Variants in PSMA1 observed in about 807,000 individuals in gnomAD.
PSMA1 encodes proteasome subunit alpha type-1.
A neutral mutation model predicts 38.4 loss-of-function variants in PSMA1; 3 were observed. The ratio of observed to expected loss-of-function variants is 0.08; its 90% CI spans 0.04 to 0.20. PSMA1 has a LOEUF of 0.20. Among genes scored for constraint, PSMA1 ranks in the 10% least tolerant of loss-of-function variants. The pLI is 1.00. For missense variants in PSMA1, 227 were observed against 325.3 expected (o/e 0.70, Z 2.32); for synonymous variants, 101 against 107.1 (o/e 0.94, Z 0.35).
intron 2 of PSMA1, among the ~76,000 whole-genome samples, chr11:14,602,243 C>T (rs1297399747): frequency 6.6e-6 from 1 of 152,170 alleles, no homozygotes; most frequent in Non-Finnish European, 1.5e-5. Context: ...TTTCCCAGAA[C>T]TAGACACCTG....
At chr11:14,595,218 G>C (rs12786114) in intron 2 of PSMA1, among the ~76,000 whole-genome samples, 12,374 of 152,036 alleles carry the variant, frequency 0.081, 761 homozygotes, top group Admixed American at 0.19. Flanking sequence ...ATAAACATAC[G>C]TGTGCATGTG....
chr11:14,521,025 C>T (rs1464413109), upstream of PSMA1, among the ~76,000 whole-genome samples: 1 of 146,864 alleles, frequency 6.8e-6, no homozygotes, highest in Non-Finnish European at 1.5e-5. Flanking sequence ...TCTTTCTATG[C>T]CCCCAAAACC....
At chr11:14,578,894 T>C (rs1289090626) in intron 2 of PSMA1, among the ~76,000 whole-genome samples, 1 of 152,256 alleles carries the variant, frequency 6.6e-6, no homozygotes, top group East Asian at 1.9e-4. Context: ...TATTCTCAAA[T>C]AGATACTTCC....
intron 2 of PSMA1, among the ~76,000 whole-genome samples, chr11:14,545,888 T>C (rs2134166266): frequency 6.6e-6 from 1 of 152,222 alleles, no homozygotes; most frequent in South Asian, 2.1e-4. Context: ...TAGGAAGAGG[T>C]GAAAGATAGG....
At position 14,534,771 on chromosome 11, in the gene PSMA1, TAAAA is replaced by T. The variant is rs36144494; in HGVS notation, c.22-15734_22-15731del. On this transcript the variant is annotated intron_variant, in intron 2 of 10. Coordinates refer to the PSMA1 transcript ENST00000418988. The surrounding 1 kb of genome is among the most constrained non-coding windows in gnomAD (Gnocchi z 4.5). ...TGTACATATGCATATTTAAAAAAAT[TAAAA>T]AAACAAACAAACCTGCTTATAGGAG... Among the ~76,000 whole-genome samples the T allele has an allele frequency of 0.32, 49,163 of 151,864 alleles. 9,177 individuals carry two copies. Among genetic ancestry groups the T allele is most frequent in the South Asian group, 0.44 (2,128 of 4,810 alleles).
intron 2 of PSMA1, among the ~76,000 whole-genome samples, chr11:14,566,701 T>C (rs1481399931): frequency 6.6e-6 from 1 of 152,160 alleles, no homozygotes; most frequent in Non-Finnish European, 1.5e-5. Context: ...CTTCAGTGAA[T>C]GAAAGCTCAA....
At chr11:14,505,275 T>C in intron 9 of PSMA1, 27 bp from the exon 10 acceptor site, 1 of 1,593,892 alleles carries the variant, frequency 6.3e-7, no homozygotes, top group Non-Finnish European at 8.6e-7. Context: ...AAAAAGAAAA[T>C]ATGTAAAATG....
intron 2 of PSMA1, among the ~76,000 whole-genome samples, chr11:14,602,856 T>A (rs2134194599): frequency 6.6e-6 from 1 of 152,296 alleles, no homozygotes; most frequent in Admixed American, 6.5e-5. Flanking sequence ...CATTTCAGAT[T>A]TCACGTGAGT....
At chr11:14,578,846 T>G (rs1476407847) in intron 2 of PSMA1, among the ~76,000 whole-genome samples, 1 of 152,232 alleles carries the variant, frequency 6.6e-6, no homozygotes, top group Non-Finnish European at 1.5e-5. Flanking sequence ...TGGGAGAGCT[T>G]GTTTCACCAG....
chr11:14,565,322 C>T lies in PSMA1; in HGVS notation c.21+45644G>A, dbSNP rs533809040. On this transcript the variant is annotated intron_variant, in intron 2 of 10. Coordinates refer to the PSMA1 transcript ENST00000418988. ...CCTGCTAGAGGTTTATCAGTTTTACCGATCTTTTCAAAGAACCAGCTCTTA... is the reference window on the plus strand; with the variant it reads ...CCTGCTAGAGGTTTATCAGTTTTACTGATCTTTTCAAAGAACCAGCTCTTA... 2.1e-3 allele frequency among the ~76,000 whole-genome samples: 316 copies of T among 152,018 alleles called. 3 individuals are homozygous for T. The highest frequency in any genetic ancestry group is 7.3e-3 in the African/African-American group (301 of 41,434).
intron 4 of PSMA1, among the ~76,000 whole-genome samples, chr11:14,517,435 GTGC>G (rs1181173072): frequency 1.3e-5 from 2 of 152,136 alleles, no homozygotes; most frequent in Non-Finnish European, 2.9e-5. Context: ...CTTCTGAAAA[GTGC>G]TAATGTTTAA....
chr11:14,592,719 T>G (rs1156261917), intron 2 of PSMA1, among the ~76,000 whole-genome samples: 2 of 152,214 alleles, frequency 1.3e-5, no homozygotes, highest in African/African-American at 4.8e-5. Flanking sequence ...TGTTTCTTGC[T>G]TTATCCCTGG....
At chr11:14,636,561 T>G (rs1441517813) in intron 1 of PSMA1, among the ~76,000 whole-genome samples, 2 of 152,230 alleles carry the variant, frequency 1.3e-5, no homozygotes, top group African/African-American at 2.4e-5. Context: ...CACTTCTCCA[T>G]ATGTACTACA....
intron 7 of PSMA1, among the ~76,000 whole-genome samples, chr11:14,512,552 G>C (rs1212276873): frequency 1.3e-5 from 2 of 152,184 alleles, no homozygotes; most frequent in Non-Finnish European, 2.9e-5. Context: ...GCTGATATGA[G>C]CAGTTCTGAA....
chr11:14,516,574 A>G (rs1851433584), intron 4 of PSMA1, among the ~76,000 whole-genome samples: 1 of 152,230 alleles, frequency 6.6e-6, no homozygotes, highest in Admixed American at 6.5e-5. Flanking sequence ...CACAACACAC[A>G]TACTCACATA....
upstream of PSMA1, among the ~76,000 whole-genome samples, chr11:14,522,419 T>TA (rs1433458443): frequency 6.6e-6 from 1 of 152,194 alleles, no homozygotes; most frequent in East Asian, 1.9e-4. Flanking sequence ...AAAGGGAACT[T>TA]ACATTTACAG....
chr11:14,600,597 G>C (rs542445199), intron 2 of PSMA1, among the ~76,000 whole-genome samples: 1 of 152,344 alleles, frequency 6.6e-6, no homozygotes, highest in East Asian at 1.9e-4. Flanking sequence ...AAGACCTTGG[G>C]AACAGCACTG....
intron 2 of PSMA1, among the ~76,000 whole-genome samples, chr11:14,599,208 T>C (rs1487264249): frequency 6.6e-6 from 1 of 152,208 alleles, no homozygotes; most frequent in Admixed American, 6.5e-5. Context: ...ATCTGACAAT[T>C]ATGTGCCTTG....
At chr11:14,642,239 CA>C (rs1263298474) in intron 1 of PSMA1, among the ~76,000 whole-genome samples, 1 of 152,180 alleles carries the variant, frequency 6.6e-6, no homozygotes, top group African/African-American at 2.4e-5. Context: ...TGTACAAACT[CA>C]AAATGTATCC....
Sources: gnomAD v4.1 joint callset for allele counts (sites outside exome capture counted in the v4.1 genomes callset) on GRCh38, gnomAD v4.1.1 for gene constraint, Gnocchi (gnomAD v3.1) non-coding constraint, MANE v1.5 for transcripts, NCBI Gene and HGNC (gene_info 2026-07-23, HGNC 2026-07-21) for gene names.